The following SPAG16 variants were observed in gnomAD, a reference collection of about 807,000 sequenced individuals.
SPAG16 encodes sperm-associated antigen 16 protein.
In SPAG16, 86 loss-of-function variants were observed where a neutral mutation model predicts 80.4. The ratio of observed to expected loss-of-function variants is 1.07; its 90% CI spans 0.90 to 1.28. The LOEUF (loss-of-function observed/expected upper bound fraction) is 1.28, where lower values mean the gene tolerates loss of function less well. SPAG16 is among the 50% of genes most tolerant of loss of function. SPAG16 has a pLI of 0.00. For missense variants in SPAG16, 870 were observed against 765.3 expected (o/e 1.14, Z -1.61); for synonymous variants, 294 against 265.9 (o/e 1.11, Z -1.03).
At chr2:214,067,394 T>C (rs951359951) in intron 13 of SPAG16, among the ~76,000 whole-genome samples, 3 of 152,160 alleles carry the variant, frequency 2.0e-5, no homozygotes, top group Admixed American at 1.3e-4. Context: ...GTAGTCCTTA[T>C]TGTGAACATC....
chr2:213,299,495 G>GTCTCGA (rs1463353887), intron 3 of SPAG16, among the ~76,000 whole-genome samples: 4 of 151,356 alleles, frequency 2.6e-5, no homozygotes, highest in Non-Finnish European at 4.4e-5. Context: ...AGCCAGGTTG[G>GTCTCGA]TCTCGATCTC....
At chr2:214,123,077 A>G (rs2054297779) in intron 14 of SPAG16, among the ~76,000 whole-genome samples, 1 of 151,910 alleles carries the variant, frequency 6.6e-6, no homozygotes. Context: ...GAAACGCTTT[A>G]AAAAAGTAAA....
intron 10 of SPAG16, among the ~76,000 whole-genome samples, chr2:213,605,579 T>C (rs185407421): frequency 1.3e-5 from 2 of 152,216 alleles, no homozygotes; most frequent in African/African-American, 2.4e-5. Flanking sequence ...AACCTCCACC[T>C]CCTGGGTTCA....
intron 10 of SPAG16, among the ~76,000 whole-genome samples, chr2:213,612,676 A>C (rs995154545): frequency 6.6e-6 from 1 of 152,112 alleles, no homozygotes; most frequent in Non-Finnish European, 1.5e-5. Context: ...TTGAAAAATA[A>C]AAATTAAAAT....
At chr2:214,406,328 G>A (rs1332935886) in intron 15 of SPAG16, among the ~76,000 whole-genome samples, 1 of 152,104 alleles carries the variant, frequency 6.6e-6, no homozygotes, top group Non-Finnish European at 1.5e-5. Flanking sequence ...ATTGTAGCTA[G>A]AAAAAGTGTC....
chr2:213,630,315 C>T (rs988285861), intron 10 of SPAG16, among the ~76,000 whole-genome samples: 1 of 150,864 alleles, frequency 6.6e-6, no homozygotes, highest in African/African-American at 2.4e-5. Context: ...ACCTGGGAGG[C>T]AGAGGTTGCA....
chr2:213,458,047 C>A (rs1304250320), intron 9 of SPAG16, among the ~76,000 whole-genome samples: 4 of 152,076 alleles, frequency 2.6e-5, no homozygotes, highest in African/African-American at 4.8e-5. Flanking sequence ...TACTTCTTCC[C>A]AGGATCTTTG....
intron 7 of SPAG16, among the ~76,000 whole-genome samples, chr2:213,359,740 A>C (rs2065872864): frequency 6.6e-6 from 1 of 152,074 alleles, no homozygotes. Flanking sequence ...TGGGTGAGGC[A>C]ACGCCCTGCC....
intron 9 of SPAG16, among the ~76,000 whole-genome samples, chr2:213,419,366 TTC>T (rs1185209357): frequency 6.6e-6 from 1 of 152,188 alleles, no homozygotes; most frequent in Non-Finnish European, 1.5e-5. Flanking sequence ...CCGTTGCCCT[TTC>T]CACGCTCCTC....
intron 10 of SPAG16, among the ~76,000 whole-genome samples, chr2:213,752,813 C>G (rs555794998): frequency 3.7e-4 from 56 of 152,114 alleles, no homozygotes; most frequent in Non-Finnish European, 6.6e-4. Context: ...GGAAGACTAT[C>G]AATTTGTTGA....
chr2:213,479,221 G>GTCTT (rs1383067569), intron 9 of SPAG16, among the ~76,000 whole-genome samples: 6 of 146,468 alleles, frequency 4.1e-5, no homozygotes, highest in Non-Finnish European at 7.4e-5. Context: ...CTCTATCACT[G>GTCTT]TCTTAGTCTT....
intron 8 of SPAG16, 57 bp downstream of exon 8, chr2:213,364,202 T>G: frequency 1.0e-6 from 1 of 972,030 alleles, no homozygotes; most frequent in African/African-American, 1.7e-5. Flanking sequence ...TTTCTCAACC[T>G]TATCAGTGAT....
At chr2:213,680,410 G>C (rs527640046) in intron 10 of SPAG16, among the ~76,000 whole-genome samples, 49 of 149,390 alleles carry the variant, frequency 3.3e-4, no homozygotes, top group Middle Eastern at 3.4e-3. Flanking sequence ...TTACTTACGA[G>C]GAACAAATAC....
In SPAG16 at chr2:214,254,039, C is replaced by T. The variant is rs138528460; in HGVS notation, c.1720+104773C>T. Among the ~76,000 whole-genome samples the T allele has an allele frequency of 3.7e-3, 560 of 152,116 alleles. 3 individuals are homozygous for T. Among genetic ancestry groups the T allele is most frequent in the African/African-American group, 0.013 (542 of 41,496 alleles). On this transcript the variant is annotated intron_variant, in intron 15 of 15. Transcript: ENST00000331683. ...TTCACATCCCTTGTAAGACGTATTC[C>T]TAGGTATTTTATTCTCTTTGTAGCA...
intron 5 of SPAG16, among the ~76,000 whole-genome samples, chr2:213,339,019 G>T (rs1316643418): frequency 1.5e-4 from 5 of 33,626 alleles, no homozygotes; most frequent in Non-Finnish European, 2.1e-4. Context: ...CTGTGCCCCA[G>T]AACTTAAAAA....
intron 13 of SPAG16, among the ~76,000 whole-genome samples, chr2:214,070,723 C>T (rs760205182): frequency 4.5e-4 from 68 of 151,972 alleles, no homozygotes; most frequent in Non-Finnish European, 4.6e-4. Context: ...AGTAGAGTTT[C>T]TAACATATAA....
intron 10 of SPAG16, among the ~76,000 whole-genome samples, chr2:213,496,380 G>T (rs1325367236): frequency 6.6e-6 from 1 of 152,090 alleles, no homozygotes; most frequent in Non-Finnish European, 1.5e-5. Flanking sequence ...GGAGGAACAG[G>T]TTTGAACAGG....
intron 15 of SPAG16, among the ~76,000 whole-genome samples, chr2:214,151,013 C>T (rs535249581): frequency 2.6e-5 from 4 of 152,082 alleles, no homozygotes; most frequent in Admixed American, 6.5e-5. Flanking sequence ...AAAGACAACA[C>T]GTATGAACGA....
At chr2:214,162,841 CTG>C (rs1167609081) in intron 15 of SPAG16, among the ~76,000 whole-genome samples, 2 of 152,034 alleles carry the variant, frequency 1.3e-5, no homozygotes, top group African/African-American at 4.8e-5. Context: ...AAATTTCAAA[CTG>C]TATTTCAATC....
Sources: gnomAD v4.1 joint callset for allele counts (sites outside exome capture counted in the v4.1 genomes callset) on GRCh38, gnomAD v4.1.1 for gene constraint, MANE v1.5 for transcripts, NCBI Gene and HGNC (gene_info 2026-07-23, HGNC 2026-07-21) for gene names.